DNM3: variants seen among roughly 807,000 people sequenced by gnomAD.
DNM3 encodes the protein dynamin 3, also known as dynamin-3.
A neutral mutation model predicts 101.6 loss-of-function variants in DNM3; 47 were observed. The ratio of observed to expected loss-of-function variants is 0.46; its 90% confidence interval spans 0.37 to 0.59. The LOEUF (loss-of-function observed/expected upper bound fraction) is 0.59, where lower values mean the gene tolerates loss of function less well. DNM3 is among the 20% of genes least tolerant of loss of function. The pLI is 0.00. For synonymous variants in DNM3, 385 were observed against 387.9 expected (o/e 0.99, Z 0.09); for missense variants, 849 against 1,085.7 (o/e 0.78, Z 3.06).
chr1:171,894,172 G>T (rs1184453941), intron 1 of DNM3, among the ~76,000 whole-genome samples: 1 of 151,170 alleles, frequency 6.6e-6, no homozygotes, highest in Non-Finnish European at 1.5e-5. Context: ...TGGCCAGGCT[G>T]GTCTGGAGCT....
At chr1:171,979,032 A>C (rs1279631607) in intron 2 of DNM3, among the ~76,000 whole-genome samples, 6 of 152,108 alleles carry the variant, frequency 3.9e-5, no homozygotes, top group Non-Finnish European at 7.4e-5. Context: ...AGAGATGAAA[A>C]AGAGGGTAAG....
chr1:171,912,546 C>A (rs1486711341), intron 1 of DNM3, among the ~76,000 whole-genome samples: 1 of 152,110 alleles, frequency 6.6e-6, no homozygotes, highest in Non-Finnish European at 1.5e-5. Context: ...TGCACAATTA[C>A]CTTGTAGTAT....
intron 10 of DNM3, among the ~76,000 whole-genome samples, chr1:172,064,648 AT>A (rs1416517755): frequency 6.6e-6 from 1 of 152,060 alleles, no homozygotes; most frequent in Non-Finnish European, 1.5e-5. Flanking sequence ...AATTGGGACT[AT>A]TTATATGTTT....
At chr1:172,188,665 T>A (rs1292766149) in intron 14 of DNM3, among the ~76,000 whole-genome samples, 1 of 152,102 alleles carries the variant, frequency 6.6e-6, no homozygotes, top group Non-Finnish European at 1.5e-5. Flanking sequence ...TGTGTGAACA[T>A]GTTTTAAATT....
chr1:172,001,388 A>G (rs1408306804), intron 4 of DNM3, among the ~76,000 whole-genome samples: 1 of 151,930 alleles, frequency 6.6e-6, no homozygotes, highest in East Asian at 1.9e-4. Context: ...AGACATTCAC[A>G]TTTCCTGTAT....
chr1:172,350,316 T>TGTGTG (rs2067142079), intron 17 of DNM3, among the ~76,000 whole-genome samples: 2 of 148,032 alleles, frequency 1.4e-5, no homozygotes, highest in African/African-American at 5.0e-5. Flanking sequence ...CCATTTTATC[T>TGTGTG]TGTGTGTGTG....
chr1:172,313,672 T>A (rs2065176804), intron 16 of DNM3, among the ~76,000 whole-genome samples: 1 of 152,208 alleles, frequency 6.6e-6, no homozygotes, highest in African/African-American at 2.4e-5. Context: ...AATAATGCCT[T>A]CCTCAGAGTG....
intron 14 of DNM3, among the ~76,000 whole-genome samples, chr1:172,181,266 C>A (rs187611643): frequency 1.3e-5 from 2 of 152,040 alleles, no homozygotes; most frequent in Admixed American, 6.6e-5. Context: ...TCTGTTGACA[C>A]GCCCTTCAAA....
At chr1:172,024,425 A>G (rs1222782023) in intron 4 of DNM3, among the ~76,000 whole-genome samples, 2 of 152,244 alleles carry the variant, frequency 1.3e-5, no homozygotes, top group Non-Finnish European at 2.9e-5. Context: ...ATATTTTATA[A>G]GGAGGTTATA....
intron 1 of DNM3, among the ~76,000 whole-genome samples, chr1:171,916,747 C>T (rs1249743707): frequency 2.0e-5 from 3 of 152,136 alleles, no homozygotes; most frequent in East Asian, 1.9e-4. Flanking sequence ...AACTCTATAG[C>T]GCCTTCCTGT....
chr1:172,267,358 A>G (rs2062903748), intron 15 of DNM3, among the ~76,000 whole-genome samples: 1 of 152,238 alleles, frequency 6.6e-6, no homozygotes, highest in Admixed American at 6.5e-5. Flanking sequence ...AGGCATTCTT[A>G]AAGTAAGTAA....
chr1:172,144,957 A>G (rs923778230), intron 14 of DNM3, among the ~76,000 whole-genome samples: 2 of 152,196 alleles, frequency 1.3e-5, no homozygotes, highest in African/African-American at 4.8e-5. Flanking sequence ...GTCTGTGCAT[A>G]AAATGGTACC....
chr1:172,068,939 T>C (rs12760234), intron 11 of DNM3, 34 bp downstream of exon 11: 572,732 of 1,543,136 alleles, frequency 0.37, 110,585 homozygotes, highest in Middle Eastern at 0.41. Flanking sequence ...GGCAGGGAGA[T>C]TGTGGGAGGT....
intron 14 of DNM3, among the ~76,000 whole-genome samples, chr1:172,188,754 C>T (rs1355303126): frequency 1.3e-5 from 2 of 152,030 alleles, no homozygotes; most frequent in African/African-American, 4.8e-5. Flanking sequence ...AAGAAACTAC[C>T]AAATTATCTT....
intron 14 of DNM3, among the ~76,000 whole-genome samples, chr1:172,147,020 A>G (rs923308267): frequency 1.3e-5 from 2 of 152,150 alleles, no homozygotes; most frequent in Admixed American, 6.6e-5. Context: ...AGAGACAGCT[A>G]TAGAAATTGA....
At chr1:172,393,950 T>C (rs536566537) in intron 20 of DNM3, 2 of 152,492 alleles carry the variant, frequency 1.3e-5, no homozygotes, top group Admixed American at 6.5e-5. Context: ...GTTGTCATGA[T>C]GCTTAATATA....
At chr1:171,847,160 A>T (rs1280785515) in intron 1 of DNM3, among the ~76,000 whole-genome samples, 1 of 152,252 alleles carries the variant, frequency 6.6e-6, no homozygotes, top group Non-Finnish European at 1.5e-5. Context: ...ATGTATAAAA[A>T]GAGAACTGAC....
intron 2 of DNM3, among the ~76,000 whole-genome samples, chr1:171,954,145 T>A (rs1210363480): frequency 6.6e-6 from 1 of 152,230 alleles, no homozygotes; most frequent in African/African-American, 2.4e-5. Context: ...CATAGTGAAC[T>A]TGCAGCCCAT....
chr1:172,310,753 T>C (rs562614481), intron 16 of DNM3: 3 of 152,314 alleles, frequency 2.0e-5, no homozygotes, highest in Admixed American at 6.5e-5. Context: ...AGGAAAGAGG[T>C]CAGGGACCAG....
Sources: allele counts gnomAD v4.1 joint callset (sites outside exome capture counted in the v4.1 genomes callset), GRCh38; gene constraint gnomAD v4.1.1; transcripts MANE v1.5; gene names NCBI Gene and HGNC (gene_info 2026-07-23, HGNC 2026-07-21).